The following NUMBL variants were observed in gnomAD, a reference collection of about 807,000 sequenced individuals.
The protein encoded by NUMBL is numb-like protein.
In NUMBL, 20 loss-of-function variants were observed where a neutral mutation model predicts 48.9. The observed-to-expected ratio is 0.41, with a 90% CI of 0.29 to 0.59. NUMBL has a LOEUF of 0.59. Among genes scored for constraint, NUMBL ranks in the 20% least tolerant of loss-of-function variants. The pLI, the probability that NUMBL is intolerant of heterozygous loss-of-function variation, is 0.31. For synonymous variants in NUMBL, 340 were observed against 348.7 expected (o/e 0.98, Z 0.28); for missense variants, 660 against 846.2 (o/e 0.78, Z 2.73).
At chr19:40,681,195 C>CCTG in intron 5 of NUMBL, 138 bp from the exon 6 acceptor site, 1 of 862,636 alleles carries the variant, frequency 1.2e-6, no homozygotes. Flanking sequence ...CTGTGCCTTG[C>CCTG]CTGCAGAGGG....
At position 40,677,215 on chromosome 19, in the gene NUMBL, C is replaced by G. The variant is rs2081880881; in HGVS notation, c.730+17G>C. 6.5e-7 allele frequency: 1 copy of G among 1,550,228 alleles called. No homozygotes were observed. Among genetic ancestry groups the G allele is most frequent in the Non-Finnish European group, 8.7e-7 (1 of 1,147,492 alleles). Reference sequence around the variant, plus strand: ...GTGCCCACTCTGTGCTCTGCTGGCGCTTGGGGCAACACCCACCTTTCTTCT... The same window carrying G: ...GTGCCCACTCTGTGCTCTGCTGGCGGTTGGGGCAACACCCACCTTTCTTCT... On this transcript the variant is annotated intron_variant, in intron 7 of 9. Transcript: ENST00000252891.
intron 8 of NUMBL, 55 bp from the exon 9 acceptor site, chr19:40,670,075 C>A: frequency 6.3e-7 from 1 of 1,582,098 alleles, no homozygotes; most frequent in Non-Finnish European, 8.6e-7. Flanking sequence ...CTGCCGCAGC[C>A]CCGCCCTCTA....
rs61733989 is a variant in NUMBL, at chr19:40,669,999, C to T, written c.1058G>A (p.Gly353Asp). The change falls in exon 9 of 10, where the codon GGT (glycine) becomes GAT (aspartate). Residue 353 changes from glycine (G) to aspartate (D), a missense_variant. Around this residue, in one of 3 missense-constraint regions of NUMBL, gnomAD observed 296 missense variants for 339.7 expected, o/e 0.87. Transcript: ENST00000252891. ...KGTVPEMEPPGAGDSDSINAL... is the reference protein window; with the variant it reads ...KGTVPEMEPPDAGDSDSINAL... ...GTTGATGCTGTCACTGTCGCCGGCA[C>T]CAGGAGGCTCCATCTCAGGCACTGG... is the stretch of plus-strand genomic sequence containing the variant. The T allele has an allele frequency of 1.9e-5, 31 of 1,613,774 alleles. No individual in the cohort carries two copies. The African/African-American group carries it at 4.0e-4, about 21-fold the overall frequency.
At chr19:40,690,172 G>A in intron 1 of NUMBL, 1 of 323,366 alleles carries the variant, frequency 3.1e-6, no homozygotes, top group Non-Finnish European at 5.6e-6. Context: ...TCTAGTTCTA[G>A]GAGTTGTACC....
chr19:40,680,129 GT>G (rs34820478), intron 6 of NUMBL, among the ~76,000 whole-genome samples: 33 of 146,270 alleles, frequency 2.3e-4, no homozygotes, highest in South Asian at 2.0e-3. Context: ...TCCCCAAATA[GT>G]TTTTTTTTTT....
At chr19:40,681,258 C>G (rs2081903919) in intron 5 of NUMBL, among the ~76,000 whole-genome samples, 1 of 152,120 alleles carries the variant, frequency 6.6e-6, no homozygotes, top group South Asian at 2.1e-4. Flanking sequence ...AGCCCAGAGT[C>G]ATAGCCAGGA....
At chr19:40,675,539 A>C (rs1308411359) in intron 7 of NUMBL, among the ~76,000 whole-genome samples, 2 of 151,254 alleles carry the variant, frequency 1.3e-5, no homozygotes, top group Admixed American at 6.6e-5. Context: ...TAAATTAATT[A>C]TATGGTGACT....
chr19:40,688,216 T>A lies in NUMBL; in HGVS notation c.25-1221A>T, dbSNP rs2081944308. 6.6e-6 allele frequency among the ~76,000 whole-genome samples: 1 copy of A among 152,178 alleles called. No homozygotes were observed. The highest frequency in any genetic ancestry group is 2.1e-4 in the South Asian group (1 of 4,830). The stretch of plus-strand genomic sequence containing the variant: ...AGTGTCCATACACAGCTGTACCATG[T>A]CACTCCAATGCAGCGAAACATATAG... On this transcript the variant is annotated intron_variant, in intron 1 of 9. Coordinates refer to ENST00000252891, the MANE Select transcript of NUMBL (RefSeq NM_004756.5). The surrounding 1 kb of genome is among the most constrained non-coding windows in gnomAD (Gnocchi z 4.6).
intron 1 of NUMBL, 40 bp downstream of exon 1, chr19:40,690,420 G>A: frequency 2.6e-6 from 3 of 1,171,336 alleles, no homozygotes; most frequent in South Asian, 3.3e-5. Context: ...CAGCAGCGGC[G>A]CCGCCCCCGA....
At chr19:40,676,691 CAA>C (rs550390367) in intron 7 of NUMBL, among the ~76,000 whole-genome samples, 5 of 82,868 alleles carry the variant, frequency 6.0e-5, no homozygotes, top group Non-Finnish European at 5.3e-5. Flanking sequence ...GACTCCGTCT[CAA>C]AAAAAAAAAA....
rs2081896292 is a variant in NUMBL at position 40,679,931 on chromosome 19, C to T, written c.540+986G>A. The stretch of plus-strand genomic sequence containing the variant: ...ACAACACTGAAAATGTATTAAATGC[C>T]ATTGAATTGTACACTTTTAAATGAT... On this transcript the variant is annotated intron_variant, in intron 6 of 9. Transcript: ENST00000252891. Among the ~76,000 whole-genome samples the T allele has an allele frequency of 2.6e-5, 4 of 151,932 alleles. No homozygotes were observed. The East Asian group carries it at 7.7e-4, about 29-fold the overall frequency.
At position 40,667,689 on chromosome 19, in the gene NUMBL, C is replaced by T. The variant is rs1293689682; in HGVS notation, c.1609G>A (p.Ala537Thr). Residue 537 changes from alanine (A) to threonine (T), a missense_variant, in exon 10 of 10, where the codon GCT (alanine) becomes ACT (threonine). Around this residue, in one of 3 missense-constraint regions of NUMBL, gnomAD observed 296 missense variants for 339.7 expected, o/e 0.87. Coordinates refer to ENST00000252891, the MANE Select transcript of NUMBL (RefSeq NM_004756.5). The surrounding 1 kb of genome is among the most constrained non-coding windows in gnomAD (Gnocchi z 6.1). ...ATGGCAGGGGGCGGGAAGGCCCCAG[C>T]TTTCCCAAGCAGAGTGGCAGGCTGA... Reference protein sequence around the residue: ...QPQPATLLGKAGAFPPPAIPS... With the variant: ...QPQPATLLGKTGAFPPPAIPS... 2.5e-6 allele frequency: 4 copies of T among 1,574,478 alleles called. No homozygotes were observed. Among genetic ancestry groups the T allele is most frequent in the Non-Finnish European group, 3.4e-6 (4 of 1,160,480 alleles).
At chr19:40,674,633 T>C (rs1318295555) in intron 7 of NUMBL, among the ~76,000 whole-genome samples, 8 of 152,098 alleles carry the variant, frequency 5.3e-5, no homozygotes. Context: ...GGGGCACCCA[T>C]GCAGGCCTGG....
rs1024565283 is a variant in NUMBL, at chr19:40,683,735, G to A, written c.249+682C>T. Among the ~76,000 whole-genome samples the A allele has an allele frequency of 4.6e-5, 7 of 151,738 alleles. 1 individual carries two copies. The highest frequency in any genetic ancestry group is 2.1e-4 in the South Asian group (1 of 4,796). The stretch of plus-strand genomic sequence containing the variant: ...CTTTGCAAATGCTACACCACATGAC[G>A]GCTTCCAGGTAATAGTTTGCTGGTA... On this transcript the variant is annotated intron_variant, in intron 3 of 9. Transcript: ENST00000252891.
At chr19:40,684,663 A>G (rs1461232353) in intron 2 of NUMBL, 107 bp from the exon 3 acceptor site, 2 of 1,419,366 alleles carry the variant, frequency 1.4e-6, no homozygotes, top group Non-Finnish European at 1.9e-6. Context: ...TAACAAGATA[A>G]CTGGAAGCGG....
chr19:40,667,938 G>A lies in NUMBL; in HGVS notation c.1360C>T (p.Pro454Ser). 1 of 1,568,224 alleles carries A rather than the reference G, an allele frequency of 6.4e-7. No individual in the cohort carries two copies. The highest frequency in any genetic ancestry group is 8.6e-7 in the Non-Finnish European group (1 of 1,156,780). ...GGCTGCAGGGCAGGAGGCATGGTGGGCACTGGGGCCACTGAGGCTGCTTGC... is the reference window on the plus strand; with the variant it reads ...GGCTGCAGGGCAGGAGGCATGGTGGACACTGGGGCCACTGAGGCTGCTTGC... The part of the protein sequence containing the change: ...QQQAASVAPV[P>S]TMPPALQPFP... The change falls in exon 10 of 10, where the codon CCC becomes TCC. Residue 454 changes from proline (P) to serine (S), a missense_variant. Pro to Ser is a moderately conservative substitution (Grantham distance 74, BLOSUM62 -1). This residue lies in a region of NUMBL where 296 missense variants were observed against 339.7 expected (regional missense o/e 0.87). Transcript: ENST00000252891. This position sits in a 1 kb window ranked among gnomAD's most constrained non-coding sequence, Gnocchi z 6.1.
In NUMBL at chr19:40,682,169, C is replaced by T. The variant is rs992365213; in HGVS notation, c.399+559G>A. The stretch of plus-strand genomic sequence containing the variant: ...GCGATGGAGTTTAGCTCTTGTTGCC[C>T]AGGCTGGAGTGCAATGGCATGATCT... On this transcript the variant is annotated intron_variant, in intron 5 of 9. Transcript: ENST00000252891. This position sits in a 1 kb window ranked among gnomAD's most constrained non-coding sequence, Gnocchi z 4.0. 6.6e-6 allele frequency among the ~76,000 whole-genome samples: 1 copy of T among 152,036 alleles called. No individual in the cohort carries two copies. Among genetic ancestry groups the T allele is most frequent in the Non-Finnish European group, 1.5e-5 (1 of 68,012 alleles).
chr19:40,668,326 C>T (rs78091695), intron 9 of NUMBL, among the ~76,000 whole-genome samples, 188 bp from the exon 10 acceptor site: 5,387 of 152,236 alleles, frequency 0.035, 135 homozygotes, highest in Non-Finnish European at 0.036. Context: ...TTCTGGACCA[C>T]GTAATGGTTC....
Position 40,667,865 on chromosome 19 carries a change from G to A in NUMBL, c.1433C>T (p.Ala478Val), listed in dbSNP as rs1349991622. The change falls in exon 10 of 10, where the codon GCC becomes GTC. Residue 478 changes from alanine to valine, a missense_variant. Physicochemically the swap from Ala to Val is moderately conservative, Grantham distance 64. Around this residue, in one of 3 missense-constraint regions of NUMBL, gnomAD observed 296 missense variants for 339.7 expected, o/e 0.87. Coordinates refer to ENST00000252891, the MANE Select transcript of NUMBL (RefSeq NM_004756.5). This position sits in a 1 kb window ranked among gnomAD's most constrained non-coding sequence, Gnocchi z 6.1. ...CATGTGTGGGGGTGGCAGGAACACG[G>A]CCACTTGGGCAGGTGCAGCGTCAAA... Reference protein sequence around the residue: ...GPFDAAPAQVAVFLPPPHMQP... With the variant: ...GPFDAAPAQVVVFLPPPHMQP... 3 of 1,588,628 alleles carry A rather than the reference G, an allele frequency of 1.9e-6. No individual in the cohort carries two copies. Among genetic ancestry groups the A allele is most frequent in the Admixed American group, 1.8e-5 (1 of 56,380 alleles).
Sources: gnomAD v4.1 joint callset for allele counts (sites outside exome capture counted in the v4.1 genomes callset) on GRCh38, gnomAD v4.1.1 for gene constraint, gnomAD v4.1.1 regional missense constraint, Gnocchi (gnomAD v3.1) non-coding constraint, MANE v1.5 for transcripts, NCBI Gene and HGNC (gene_info 2026-07-23, HGNC 2026-07-21) for gene names.